Variants in AIM2 observed in about 807,000 individuals in gnomAD.
AIM2 encodes the protein absent in melanoma 2, also known as interferon-inducible protein AIM2.
A neutral mutation model predicts 27.7 loss-of-function variants in AIM2; 30 were observed. That is an observed-to-expected ratio of 1.08 (90% CI 0.81 to 1.47). The LOEUF (loss-of-function observed/expected upper bound fraction) is 1.47. AIM2 is among the 40% of genes most tolerant of loss of function. AIM2 has a pLI of 0.00. For missense variants in AIM2, 358 were observed against 411.3 expected, an observed-to-expected ratio of 0.87 and a Z score of 1.12; for synonymous variants, 141 against 145.3, an observed-to-expected ratio of 0.97 and a Z score of 0.21.
chr1:159,092,159 A>G (rs571759131), intron 1 of AIM2, among the ~76,000 whole-genome samples: 1 of 152,352 alleles, frequency 6.6e-6, no homozygotes, highest in South Asian at 2.1e-4. Context: ...CATTTAAATA[A>G]ATGACTATTC....
chr1:159,087,633 C>T (rs1226801811), intron 1 of AIM2, among the ~76,000 whole-genome samples: 2 of 143,298 alleles, frequency 1.4e-5, no homozygotes, highest in East Asian at 4.1e-4. Context: ...AGTGCAGTGG[C>T]GTGATCTCGG....
upstream of AIM2, among the ~76,000 whole-genome samples, chr1:159,079,371 GA>G (rs936230238): frequency 2.3e-4 from 35 of 151,280 alleles, no homozygotes; most frequent in African/African-American, 5.3e-4. Context: ...AAACAGGAGA[GA>G]AAAAAAATAA....
chr1:159,094,883 A>G (rs902189185), intron 1 of AIM2, among the ~76,000 whole-genome samples: 11 of 152,192 alleles, frequency 7.2e-5, no homozygotes, highest in African/African-American at 2.7e-4. Flanking sequence ...TTTGGGGCCA[A>G]TTATTCTTAG....
intron 1 of AIM2, among the ~76,000 whole-genome samples, chr1:159,111,834 CT>C (rs1323468988): frequency 2.4e-4 from 2 of 8,302 alleles, no homozygotes; most frequent in African/African-American, 6.3e-4. Context: ...TATCTATCAT[CT>C]ATCTATCTAT....
intron 1 of AIM2, among the ~76,000 whole-genome samples, chr1:159,099,521 T>C (rs1657268435): frequency 6.6e-6 from 1 of 152,186 alleles, no homozygotes; most frequent in South Asian, 2.1e-4. Context: ...CAAAGACTAC[T>C]AGACCTATCA....
At chr1:159,059,988 A>C (rs1252412263), downstream of AIM2, among the ~76,000 whole-genome samples, 2 of 152,186 alleles carry the variant, frequency 1.3e-5, no homozygotes, top group Admixed American at 6.6e-5. Context: ...AGAGGATAGA[A>C]CAACTCACAG....
At position 159,075,472 on chromosome 1, in the gene AIM2, G is replaced by A. The variant is rs551620925; in HGVS notation, c.-21+1161C>T. On this transcript the variant is annotated intron_variant, in intron 1 of 5. Coordinates refer to ENST00000368130, the MANE Select transcript of AIM2 (RefSeq NM_004833.3). ...TTCTTTGTAGGAAACACACACATCC[G>A]TGCACACACACACACTAAACAAAGT... Among the ~76,000 whole-genome samples the A allele has an allele frequency of 4.7e-5, 7 of 150,390 alleles. No homozygotes were observed. In the South Asian group the frequency reaches 1.0e-3, roughly 23 times the overall value.
chr1:159,106,743 G>A (rs1382676184), intron 1 of AIM2, among the ~76,000 whole-genome samples: 1 of 152,230 alleles, frequency 6.6e-6, no homozygotes, highest in African/African-American at 2.4e-5. Context: ...AGTGATATTA[G>A]TAAAAATGTG....
intron 1 of AIM2, among the ~76,000 whole-genome samples, chr1:159,115,732 G>A (rs1276365193): frequency 2.0e-5 from 3 of 152,140 alleles, no homozygotes. Context: ...AAAAACCCTA[G>A]AAGAAAACCT....
At chr1:159,102,857 G>A (rs1351827185) in intron 1 of AIM2, among the ~76,000 whole-genome samples, 1 of 152,220 alleles carries the variant, frequency 6.6e-6, no homozygotes, top group African/African-American at 2.4e-5. Flanking sequence ...AGGGAGAAGG[G>A]ACTTGCCTTA....
chr1:159,084,281 G>T (rs1417520322), intron 1 of AIM2, among the ~76,000 whole-genome samples: 4 of 151,924 alleles, frequency 2.6e-5, no homozygotes, highest in Admixed American at 1.3e-4. Flanking sequence ...CCCTGGAGAG[G>T]CAGGGCCTTC....
intron 1 of AIM2, among the ~76,000 whole-genome samples, chr1:159,095,361 A>T (rs915040979): frequency 2.0e-5 from 3 of 152,230 alleles, no homozygotes; most frequent in Non-Finnish European, 2.9e-5. Context: ...TTTGTTACAA[A>T]TGTCAACTCG....
chr1:159,139,194 A>C (rs543547165), intron 1 of AIM2, among the ~76,000 whole-genome samples: 2 of 152,306 alleles, frequency 1.3e-5, no homozygotes, highest in East Asian at 3.9e-4. Context: ...CCCTCTACCT[A>C]CTTGGCTGAG....
chr1:159,100,184 C>G (rs981671070), intron 1 of AIM2, among the ~76,000 whole-genome samples: 9 of 152,166 alleles, frequency 5.9e-5, no homozygotes, highest in African/African-American at 1.9e-4. Context: ...TCTTTTGACT[C>G]TCCATGTTAA....
At chr1:159,143,589 C>T (rs1470593973), upstream of AIM2, among the ~76,000 whole-genome samples, 335 of 11,332 alleles carry the variant, frequency 0.03, 3 homozygotes, top group Non-Finnish European at 0.05. Flanking sequence ...TGTACACACA[C>T]ACACACACAC....
At chr1:159,121,087 A>G (rs1557912080) in intron 1 of AIM2, among the ~76,000 whole-genome samples, 2 of 152,178 alleles carry the variant, frequency 1.3e-5, no homozygotes, top group African/African-American at 2.4e-5. Flanking sequence ...ATTCAAACCC[A>G]GAGATTCTCA....
At chr1:159,094,438 T>A (rs1374501325) in intron 1 of AIM2, among the ~76,000 whole-genome samples, 2 of 152,224 alleles carry the variant, frequency 1.3e-5, no homozygotes, top group East Asian at 1.9e-4. Context: ...GGCTCATGCC[T>A]GTAATTCCAG....
Position 159,076,631 on chromosome 1 carries a change from A to T in AIM2, c.-21+2T>A, listed in dbSNP as rs141716599. 6.6e-6 allele frequency: 1 copy of T among 152,144 alleles called. No homozygotes were observed. Among genetic ancestry groups the T allele is most frequent in the East Asian group, 1.9e-4 (1 of 5,158 alleles). The allele number at this position is 152,144 out of a possible 1,614,324, so 9.4% of individuals were successfully genotyped here. ...CTAACCCAGCTCCTCTATGGTGCTT[A>T]CCTCCTGATCCCTGGGGCGATCAGC... On this transcript the variant is annotated splice_donor_variant, in intron 1 of 5. Transcript: ENST00000368130. LOFTEE classifies it low-confidence loss of function (5UTR_SPLICE).
intron 1 of AIM2, among the ~76,000 whole-genome samples, chr1:159,091,908 A>G (rs969760975): frequency 6.6e-6 from 1 of 152,246 alleles, no homozygotes; most frequent in African/African-American, 2.4e-5. Flanking sequence ...CAGAAAGTAA[A>G]TGGTATCCAC....
Sources: gnomAD v4.1 joint callset for allele counts (sites outside exome capture counted in the v4.1 genomes callset) on GRCh38, gnomAD v4.1.1 for gene constraint, MANE v1.5 for transcripts, NCBI Gene and HGNC (gene_info 2026-07-23, HGNC 2026-07-21) for gene names.